RUNX1: variants seen among roughly 807,000 people sequenced by gnomAD.
The protein encoded by RUNX1 is runt-related transcription factor 1.
A neutral mutation model predicts 42.8 loss-of-function variants in RUNX1; 19 were observed. That is an observed-to-expected ratio of 0.44 (90% CI 0.31 to 0.65). RUNX1 has a LOEUF of 0.65. Ranked by LOEUF, RUNX1 falls within the 30% of genes least tolerant of loss-of-function variation. The pLI, the probability that RUNX1 is intolerant of heterozygous loss-of-function variation, is 0.07. For missense variants in RUNX1, 528 were observed against 672.0 expected, an observed-to-expected ratio of 0.79 and a Z score of 2.37; for synonymous variants, 271 against 289.4, an observed-to-expected ratio of 0.94 and a Z score of 0.64.
intron 2 of RUNX1, among the ~76,000 whole-genome samples, chr21:34,928,242 T>C (rs1431389480): frequency 6.6e-6 from 1 of 152,168 alleles, no homozygotes; most frequent in Non-Finnish European, 1.5e-5. Flanking sequence ...TTTACATCAT[T>C]GTGGAAATTT....
chr21:34,828,466 G>A (rs544259154), intron 7 of RUNX1, among the ~76,000 whole-genome samples: 64 of 152,274 alleles, frequency 4.2e-4, no homozygotes, highest in African/African-American at 1.4e-3. Context: ...TTGGACTTTC[G>A]ACTTTTGAGT....
At chr21:34,859,744 A>G (rs1199107291) in intron 5 of RUNX1, among the ~76,000 whole-genome samples, 166 bp from the exon 6 acceptor site, 1 of 152,230 alleles carries the variant, frequency 6.6e-6, no homozygotes, top group East Asian at 1.9e-4. Flanking sequence ...ATACACACCT[A>G]TGATAGTTGC....
chr21:34,989,014 C>CTCTCTCT (rs752573187), intron 2 of RUNX1, among the ~76,000 whole-genome samples: 1,638 of 145,840 alleles, frequency 0.011, 28 homozygotes, highest in African/African-American at 0.04. Flanking sequence ...CTCTCTCTCT[C>CTCTCTCT]TTTTTTTTTT....
chr21:34,888,657 G>A (rs1427152649), intron 3 of RUNX1: 1 of 1,049,336 alleles, frequency 9.5e-7, no homozygotes, highest in Non-Finnish European at 1.2e-6. Context: ...CCGGCCGCGG[G>A]GCGCCCGTCC....
At chr21:34,800,988 C>G (rs2056599558) in intron 7 of RUNX1, among the ~76,000 whole-genome samples, 1 of 151,982 alleles carries the variant, frequency 6.6e-6, no homozygotes. Flanking sequence ...AATAAATGTT[C>G]AACCTTGGCT....
intron 6 of RUNX1, among the ~76,000 whole-genome samples, chr21:34,840,423 CA>C (rs1336730465): frequency 6.6e-6 from 1 of 152,164 alleles, no homozygotes; most frequent in Non-Finnish European, 1.5e-5. Context: ...GTCTCTTCAT[CA>C]CTGAGGCTCC....
chr21:34,844,598 G>A (rs73201058), intron 6 of RUNX1, among the ~76,000 whole-genome samples: 3 of 143,356 alleles, frequency 2.1e-5, no homozygotes, highest in Non-Finnish European at 4.6e-5. Context: ...GAGTGAGTGA[G>A]TGAATGAATG....
intron 6 of RUNX1, 105 bp downstream of exon 6, chr21:34,859,369 G>C (rs1252072804): frequency 2.1e-6 from 2 of 955,124 alleles, no homozygotes; most frequent in Non-Finnish European, 3.4e-6. Context: ...CATCCCCCTG[G>C]GGGAAAGGTT....
At chr21:34,993,387 G>A (rs2058960771) in intron 2 of RUNX1, among the ~76,000 whole-genome samples, 1 of 152,128 alleles carries the variant, frequency 6.6e-6, no homozygotes, top group African/African-American at 2.4e-5. Flanking sequence ...AACTGTACCA[G>A]AGGGGCTCCT....
chr21:35,001,074 C>T (rs1265536218), intron 2 of RUNX1, among the ~76,000 whole-genome samples: 5 of 152,286 alleles, frequency 3.3e-5, no homozygotes, highest in South Asian at 4.1e-4. Flanking sequence ...TTCTTTTGCT[C>T]GTTCCCTCCA....
At chr21:35,009,924 T>C (rs1289471134) in intron 2 of RUNX1, among the ~76,000 whole-genome samples, 1 of 152,218 alleles carries the variant, frequency 6.6e-6, no homozygotes, top group African/African-American at 2.4e-5. Context: ...CATATGCCAC[T>C]TGCAAGCATT....
chr21:34,897,034 T>G (rs1202815613), intron 2 of RUNX1, among the ~76,000 whole-genome samples: 2 of 152,168 alleles, frequency 1.3e-5, no homozygotes, highest in African/African-American at 4.8e-5. Context: ...CTGAGAAAAT[T>G]AGTGTTTGCC....
chr21:34,995,382 C>T (rs937119002), intron 2 of RUNX1, among the ~76,000 whole-genome samples: 3 of 146,400 alleles, frequency 2.0e-5, no homozygotes, highest in Non-Finnish European at 3.0e-5. Context: ...AAAAGTATGA[C>T]AACTCTGTTG....
chr21:34,919,066 T>C (rs2058334473), intron 2 of RUNX1, among the ~76,000 whole-genome samples: 3 of 152,172 alleles, frequency 2.0e-5, no homozygotes, highest in Non-Finnish European at 2.9e-5. Context: ...TTCGCATCAA[T>C]GCTATGAGGT....
chr21:35,012,122 T>C (rs1457784913), intron 2 of RUNX1, among the ~76,000 whole-genome samples: 2 of 152,240 alleles, frequency 1.3e-5, no homozygotes. Context: ...TAATCCTCCA[T>C]ATCTAACGTG....
chr21:35,002,672 T>C (rs4305348), intron 2 of RUNX1, among the ~76,000 whole-genome samples: 120,661 of 151,914 alleles, frequency 0.79, 48,789 homozygotes, highest in African/African-American at 0.95. Flanking sequence ...AGGTGATCCA[T>C]CTGCCTTGCC....
chr21:34,930,289 T>TATATATATATATATATAAATAA (rs1555906453), intron 2 of RUNX1, among the ~76,000 whole-genome samples: 4 of 137,330 alleles, frequency 2.9e-5, no homozygotes, highest in African/African-American at 1.3e-4. Context: ...TATATATATA[T>TATATATATATATATATAAATAA]ATAAATAAAT....
At chr21:35,003,180 G>A (rs112976603) in intron 2 of RUNX1, among the ~76,000 whole-genome samples, 6 of 152,280 alleles carry the variant, frequency 3.9e-5, no homozygotes, top group Non-Finnish European at 7.3e-5. Flanking sequence ...TTCCCAGTCT[G>A]AAAAAGTCAT....
At chr21:34,971,959 T>G (rs116809720) in intron 2 of RUNX1, among the ~76,000 whole-genome samples, 3,182 of 152,332 alleles carry the variant, frequency 0.021, 118 homozygotes, top group African/African-American at 0.072. Flanking sequence ...AATGACCCTT[T>G]GCAGGGTTAT....
Sources: gnomAD v4.1 joint callset for allele counts (sites outside exome capture counted in the v4.1 genomes callset) on GRCh38, gnomAD v4.1.1 for gene constraint, MANE v1.5 for transcripts, NCBI Gene and HGNC (gene_info 2026-07-23, HGNC 2026-07-21) for gene names.